PDE1C: variants seen among roughly 807,000 people sequenced by gnomAD.
The protein encoded by PDE1C is phosphodiesterase 1C.
PDE1C carries 62 observed loss-of-function variants against 93.1 expected under a neutral mutation model. The observed-to-expected ratio is 0.67, with a 90% confidence interval of 0.54 to 0.82. PDE1C has a LOEUF of 0.82. Among genes scored for constraint, PDE1C ranks in the 40% least tolerant of loss-of-function variants. The pLI is 0.00. For synonymous variants in PDE1C, 325 were observed against 310.1 expected, an observed-to-expected ratio of 1.05 and a Z score of -0.50; for missense variants, 742 against 884.6, an observed-to-expected ratio of 0.84 and a Z score of 2.04.
chr7:32,183,344 T>G (rs1803580220), intron 2 of PDE1C, among the ~76,000 whole-genome samples: 1 of 152,144 alleles, frequency 6.6e-6, no homozygotes, highest in South Asian at 2.1e-4. Context: ...CATTGCCAAG[T>G]CAATCCTAAG....
chr7:32,089,649 G>A (rs997125206), intron 3 of PDE1C, among the ~76,000 whole-genome samples: 6 of 152,164 alleles, frequency 3.9e-5, no homozygotes, highest in Non-Finnish European at 7.3e-5. Flanking sequence ...GGGTCTGCAC[G>A]GCCATGCTAT....
At chr7:31,738,891 G>C in the PDE1C span, among the ~76,000 whole-genome samples, 1 of 152,084 alleles carries the variant, frequency 6.6e-6, no homozygotes, top group African/African-American at 2.4e-5. Context: ...TGATGAACTA[G>C]CACAGGAAAG....
chr7:31,642,233 A>G, the PDE1C span: 2 of 1,556,770 alleles, frequency 1.3e-6, no homozygotes, highest in Non-Finnish European at 1.7e-6. Flanking sequence ...TTCCTGGAGG[A>G]GCCGCTGGAA....
intron 16 of PDE1C, chr7:31,808,280 C>A (rs754527229): frequency 2.6e-6 from 1 of 382,706 alleles, no homozygotes; most frequent in South Asian, 2.0e-5. Flanking sequence ...AAAACCACTC[C>A]GTGGAAACTT....
At chr7:32,277,729 C>T (rs1811371762) in intron 1 of PDE1C, among the ~76,000 whole-genome samples, 1 of 152,202 alleles carries the variant, frequency 6.6e-6, no homozygotes, top group African/African-American at 2.4e-5. Flanking sequence ...GTTCTCCTAT[C>T]CTCATCCCTA....
At chr7:32,109,512 T>C (rs1009804253) in intron 3 of PDE1C, among the ~76,000 whole-genome samples, 2 of 152,184 alleles carry the variant, frequency 1.3e-5, no homozygotes, top group Non-Finnish European at 2.9e-5. Context: ...GTCCTGTGCA[T>C]TGTAGGATGT....
chr7:32,154,918 G>T (rs1801475170), intron 3 of PDE1C, among the ~76,000 whole-genome samples: 1 of 152,256 alleles, frequency 6.6e-6, no homozygotes, highest in Admixed American at 6.5e-5. Context: ...AGCTAAAGTT[G>T]TATTCTTAGA....
At chr7:31,702,247 A>C in the PDE1C span, among the ~76,000 whole-genome samples, 1 of 151,778 alleles carries the variant, frequency 6.6e-6, no homozygotes, top group Non-Finnish European at 1.5e-5. Context: ...TTGTTCCCAA[A>C]TAAGACAAGA....
intron 2 of PDE1C, among the ~76,000 whole-genome samples, chr7:32,045,509 G>A (rs1739294926): frequency 6.6e-6 from 1 of 152,186 alleles, no homozygotes; most frequent in African/African-American, 2.4e-5. Context: ...TGTCCCTGAT[G>A]TTACCACTTA....
At chr7:31,625,362 G>A in the PDE1C span, among the ~76,000 whole-genome samples, 3 of 151,788 alleles carry the variant, frequency 2.0e-5, no homozygotes, top group African/African-American at 7.3e-5. Flanking sequence ...GCAAAGACTT[G>A]GAACCAACCC....
chr7:32,097,563 T>G (rs187621344), intron 3 of PDE1C, among the ~76,000 whole-genome samples: 13 of 152,286 alleles, frequency 8.5e-5, no homozygotes, highest in African/African-American at 3.1e-4. Context: ...TGCCGATACT[T>G]GGAGAACTAT....
chr7:31,828,222 G>A, intron 12 of PDE1C, 70 bp downstream of exon 12: 1 of 1,234,174 alleles, frequency 8.1e-7, no homozygotes, highest in South Asian at 1.3e-5. Context: ...AGAACCACTG[G>A]GATCATCTGT....
chr7:32,247,547 T>C (rs1353395242), intron 1 of PDE1C, among the ~76,000 whole-genome samples: 1 of 152,190 alleles, frequency 6.6e-6, no homozygotes. Flanking sequence ...GTCCCCAACT[T>C]ATAATGGCTC....
chr7:32,320,051 C>T (rs1350619087), intron 1 of PDE1C, among the ~76,000 whole-genome samples: 1 of 152,116 alleles, frequency 6.6e-6, no homozygotes, highest in Non-Finnish European at 1.5e-5. Flanking sequence ...ATAGGTGGGG[C>T]AACTTGAAGC....
intron 1 of PDE1C, among the ~76,000 whole-genome samples, chr7:32,056,036 T>C (rs1794031210): frequency 6.6e-6 from 1 of 152,150 alleles, no homozygotes; most frequent in Admixed American, 6.6e-5. Context: ...TAAAATTTGT[T>C]TCTAAAACTT....
chr7:32,303,203 A>G (rs1812919274), upstream of PDE1C, among the ~76,000 whole-genome samples: 1 of 152,164 alleles, frequency 6.6e-6, no homozygotes, highest in African/African-American at 2.4e-5. Flanking sequence ...CCCTTATACT[A>G]TACAGTAGTC....
rs1554361935 is a variant in PDE1C at position 31,841,227 on chromosome 7, C to CTATATATATA, written c.981-3266_981-3257dup. On this transcript the variant is annotated intron_variant, in intron 9 of 17. Transcript: ENST00000396191. The stretch of plus-strand genomic sequence containing the variant: ...TCTCTCTGTCTCTCTCTCTCTCTCT[C>CTATATATATA]TATATATATATATATATGTATATGT... 2.2e-3 allele frequency among the ~76,000 whole-genome samples: 306 copies of CTATATATATA among 142,272 alleles called. 4 individuals carry two copies. The highest frequency in any genetic ancestry group is 0.019 in the East Asian group (94 of 4,826). 93.3% of individuals were successfully genotyped at this position (142,272 alleles called of 152,430 possible). A position where few individuals can be genotyped will look rare whatever the true frequency, so the allele number is the denominator to read the frequency against.
At chr7:31,799,768 C>T (rs1452470356) in intron 16 of PDE1C, among the ~76,000 whole-genome samples, 3 of 151,606 alleles carry the variant, frequency 2.0e-5, no homozygotes, top group African/African-American at 7.3e-5. Flanking sequence ...ATACTGGCTA[C>T]CCTGCCTCCT....
At chr7:32,106,329 C>A in intron 3 of PDE1C, among the ~76,000 whole-genome samples, 1 of 152,106 alleles carries the variant, frequency 6.6e-6, no homozygotes, top group East Asian at 1.9e-4. Context: ...TAGGTGCAAG[C>A]CACTATGCCC....
Sources: allele counts gnomAD v4.1 joint callset (sites outside exome capture counted in the v4.1 genomes callset), GRCh38; gene constraint gnomAD v4.1.1; transcripts MANE v1.5; gene names NCBI Gene and HGNC (gene_info 2026-07-23, HGNC 2026-07-21).